Variants in PCDH7 observed in about 807,000 individuals in gnomAD.
The protein encoded by PCDH7 is protocadherin 7.
PCDH7 carries 17 observed loss-of-function variants against 58.9 expected under a neutral mutation model. The observed-to-expected ratio is 0.29, with a 90% confidence interval of 0.20 to 0.43. The LOEUF (loss-of-function observed/expected upper bound fraction) is 0.43, where lower values mean the gene tolerates loss of function less well. PCDH7 is among the 20% of genes least tolerant of loss of function. PCDH7 has a pLI of 1.00. For missense variants in PCDH7, 1,274 were observed against 1,441.0 expected (o/e 0.88, Z 1.88); for synonymous variants, 664 against 616.4 (o/e 1.08, Z -1.14).
At chr4:30,830,743 T>C (rs551141478) in intron 1 of PCDH7, among the ~76,000 whole-genome samples, 2 of 152,242 alleles carry the variant, frequency 1.3e-5, no homozygotes, top group Non-Finnish European at 2.9e-5. Context: ...AAATCATTTA[T>C]GCTTTTCTCA....
intron 1 of PCDH7, among the ~76,000 whole-genome samples, chr4:30,845,889 G>GTAAACC (rs1215263975): frequency 3.3e-5 from 5 of 152,124 alleles, no homozygotes; most frequent in African/African-American, 1.2e-4. Context: ...CACCACACTT[G>GTAAACC]GCCTCTCTAT....
At chr4:30,756,382 T>A (rs567535188) in intron 1 of PCDH7, among the ~76,000 whole-genome samples, 1 of 151,878 alleles carries the variant, frequency 6.6e-6, no homozygotes, top group African/African-American at 2.4e-5. Context: ...ACAAACCAAC[T>A]ATGTCCAAAT....
At chr4:30,765,212 T>A (rs1375297774) in intron 1 of PCDH7, among the ~76,000 whole-genome samples, 1 of 144,130 alleles carries the variant, frequency 6.9e-6, no homozygotes, top group Non-Finnish European at 1.5e-5. Flanking sequence ...ACATTGTTCC[T>A]GAAAACGACC....
At position 30,723,579 on chromosome 4, in the gene PCDH7, T is replaced by A. The variant is rs776687160; in HGVS notation, c.2157T>A (p.Asp719Glu). 6.8e-6 allele frequency: 11 copies of A among 1,613,990 alleles called. No individual in the cohort carries two copies. Among genetic ancestry groups the A allele is most frequent in the Non-Finnish European group, 9.3e-6 (11 of 1,179,978 alleles). ...GAGTCAAGGCTGTGGATGGGGGAGA[T>A]CCTCCCAGATCTGCCACAGCTACAG... The change falls in exon 1 of 2, where the codon GAT becomes GAA. Residue 719 changes from aspartate (D) to glutamate (E), a missense_variant. Physicochemically the swap from Asp to Glu is conservative, Grantham distance 45. Around this residue, in one of 3 missense-constraint regions of PCDH7, gnomAD observed 731 missense variants for 881.9 expected, o/e 0.83. Coordinates refer to ENST00000361762, the Ensembl canonical transcript of PCDH7. The surrounding 1 kb of genome is among the most constrained non-coding windows in gnomAD (Gnocchi z 4.6).
intron 3 of PCDH7, among the ~76,000 whole-genome samples, chr4:31,104,380 T>G (rs182737453): frequency 6.6e-6 from 1 of 152,264 alleles, no homozygotes; most frequent in East Asian, 1.9e-4. Context: ...AAACATCTAG[T>G]TTTCTCATAC....
chr4:30,745,512 T>C (rs1051040584), intron 1 of PCDH7, among the ~76,000 whole-genome samples: 3 of 152,116 alleles, frequency 2.0e-5, no homozygotes, highest in African/African-American at 7.2e-5. Context: ...ATATTTCTAT[T>C]CATGGAGGAT....
chr4:31,122,673 G>A (rs1238749359), intron 3 of PCDH7, among the ~76,000 whole-genome samples: 1 of 151,638 alleles, frequency 6.6e-6, no homozygotes, highest in Non-Finnish European at 1.5e-5. Flanking sequence ...ATGATAGCGT[G>A]TTGAAGACAA....
In PCDH7 at chr4:31,126,422, G is replaced by C. The variant is rs1718315968; in HGVS notation, c.*8-16051G>C. Among the ~76,000 whole-genome samples the C allele has an allele frequency of 2.6e-5, 4 of 152,074 alleles. No individual in the cohort carries two copies. In the South Asian group the frequency reaches 8.3e-4, roughly 32 times the overall value. ...CGATCTGCTCACCTCAGCCTCTCAA[G>C]GTGCTGGGATTACAGGCCTGAGCCA... On this transcript the variant is annotated intron_variant, in intron 3 of 3. Transcript: ENST00000509759.
chr4:30,966,381 T>C (rs79729778), intron 3 of PCDH7, among the ~76,000 whole-genome samples: 1,701 of 152,304 alleles, frequency 0.011, 26 homozygotes, highest in African/African-American at 0.035. Context: ...TTTTGATTTT[T>C]CTAATTATTC....
chr4:30,855,456 G>A (rs1560438809), intron 1 of PCDH7, among the ~76,000 whole-genome samples: 1 of 152,152 alleles, frequency 6.6e-6, no homozygotes, highest in African/African-American at 2.4e-5. Context: ...CACTGCTGCT[G>A]TTTGCGGCAA....
intron 3 of PCDH7, among the ~76,000 whole-genome samples, chr4:31,054,588 C>T (rs1757004360): frequency 6.6e-6 from 1 of 152,130 alleles, no homozygotes; most frequent in South Asian, 2.1e-4. Context: ...TTGGAAAATT[C>T]TTTTAGTACC....
At chr4:31,094,440 C>A (rs1226225376) in intron 3 of PCDH7, among the ~76,000 whole-genome samples, 1 of 151,954 alleles carries the variant, frequency 6.6e-6, no homozygotes, top group Non-Finnish European at 1.5e-5. Context: ...ATGGACAAAG[C>A]ATATCTTAAA....
rs1225024700 is a variant in PCDH7, at chr4:30,721,510, G to C, written c.88G>C (p.Ala30Pro). 1 of 1,599,498 alleles carries C rather than the reference G, an allele frequency of 6.3e-7. No individual in the cohort carries two copies. The change falls in exon 1 of 2, where the codon GCC becomes CCC. Residue 30 changes from alanine (A) to proline (P), a missense_variant. By Grantham distance (27) the Ala-to-Pro change is conservative. Around this residue, in one of 3 missense-constraint regions of PCDH7, gnomAD observed 212 missense variants for 255.8 expected, o/e 0.83. Coordinates refer to ENST00000361762, the Ensembl canonical transcript of PCDH7. This position sits in a 1 kb window ranked among gnomAD's most constrained non-coding sequence, Gnocchi z 6.7. Reference sequence around the variant, plus strand: ...GCCGCTCTCGCTCAGCCTGGCGGCCGCCAAGCAGCTCCTCCGGTACCGGCT... The same window carrying C: ...GCCGCTCTCGCTCAGCCTGGCGGCCCCCAAGCAGCTCCTCCGGTACCGGCT...
chr4:30,964,244 TTATTTA>T lies in PCDH7; in HGVS notation c.*7+14031_*7+14036del, dbSNP rs1748763616. On this transcript the variant is annotated intron_variant, in intron 3 of 3. Transcript: ENST00000509759. ...TAGTTTTATTTATTTATTTATTTAT[TTATTTA>T]TTTTTTTTTGAGATGAAATCTGGCT... 1.6e-4 allele frequency among the ~76,000 whole-genome samples: 7 copies of T among 42,998 alleles called. No individual in the cohort carries two copies. The African/African-American group carries it at 2.0e-3, about 12-fold the overall frequency. The allele number at this position is 42,998 out of a possible 152,430, so 28.2% of individuals were successfully genotyped here.
intron 1 of PCDH7, among the ~76,000 whole-genome samples, chr4:30,916,998 G>A (rs1304457308): frequency 6.6e-6 from 1 of 152,146 alleles, no homozygotes; most frequent in Non-Finnish European, 1.5e-5. Context: ...CTACTTCAGA[G>A]TATCAGTAAT....
At chr4:30,946,893 G>A (rs1231479148) in intron 2 of PCDH7, among the ~76,000 whole-genome samples, 2 of 151,994 alleles carry the variant, frequency 1.3e-5, no homozygotes, top group African/African-American at 4.8e-5. Context: ...TGTGCTTTTA[G>A]TAGGGATGGG....
At chr4:31,071,237 C>T (rs1000551506) in intron 3 of PCDH7, among the ~76,000 whole-genome samples, 5 of 151,920 alleles carry the variant, frequency 3.3e-5, no homozygotes, top group Non-Finnish European at 5.9e-5. Flanking sequence ...ATTAACTCAC[C>T]GTGAGGCTGT....
chr4:31,112,227 C>A (rs2109312725), intron 3 of PCDH7, among the ~76,000 whole-genome samples: 1 of 152,208 alleles, frequency 6.6e-6, no homozygotes, highest in Non-Finnish European at 1.5e-5. Context: ...TTCTGTCTTT[C>A]CTTAAGCAAA....
intron 1 of PCDH7, among the ~76,000 whole-genome samples, chr4:30,829,581 C>T (rs900806104): frequency 1.3e-5 from 2 of 152,044 alleles, no homozygotes; most frequent in African/African-American, 2.4e-5. Flanking sequence ...CCCACAGATG[C>T]AGCCCTATTT....
Sources: allele counts gnomAD v4.1 joint callset (sites outside exome capture counted in the v4.1 genomes callset), GRCh38; gene constraint gnomAD v4.1.1; regional missense constraint gnomAD v4.1.1; non-coding constraint Gnocchi (gnomAD v3.1); transcripts MANE v1.5; gene names NCBI Gene and HGNC (gene_info 2026-07-23, HGNC 2026-07-21).